Variants in ZCCHC14 observed in about 807,000 individuals in gnomAD.
ZCCHC14 encodes zinc finger CCHC domain-containing protein 14.
ZCCHC14 carries 16 observed loss-of-function variants against 85.0 expected under a neutral mutation model. That is an observed-to-expected ratio of 0.19 (90% confidence interval 0.13 to 0.29). ZCCHC14 has a LOEUF of 0.29. Among genes scored for constraint, ZCCHC14 ranks in the 10% least tolerant of loss-of-function variants. ZCCHC14 has a pLI of 1.00. For synonymous variants in ZCCHC14, 775 were observed against 630.7 expected (o/e 1.23, Z -3.43); for missense variants, 1,303 against 1,443.5 (o/e 0.90, Z 1.58).
chr16:87,463,506 G>A (rs1353113169), intron 1 of ZCCHC14, among the ~76,000 whole-genome samples: 1 of 152,196 alleles, frequency 6.6e-6, no homozygotes, highest in African/African-American at 2.4e-5. Context: ...AAAGTGAGCT[G>A]CCTTTTCTCT....
Position 87,414,486 on chromosome 16 carries a change from T to G in ZCCHC14, c.1531A>C (p.Ser511Arg). 6.2e-7 allele frequency: 1 copy of G among 1,613,436 alleles called. No individual in the cohort carries two copies. Among genetic ancestry groups the G allele is most frequent in the East Asian group, 2.2e-5 (1 of 44,878 alleles). ...NPSAPPLVTS[S>R]GVARVPPTSH... ...GTGGGGGGCACTCGAGCCACACCAC[T>G]GCTGGTGACCAGCGGCGGGGCCGAG... Residue 511 changes from serine to arginine, a missense_variant, in exon 10 of 13, where the codon AGT (serine) becomes CGT (arginine). Physicochemically the swap from Ser to Arg is moderately radical, Grantham distance 110. Coordinates refer to ENST00000671377, the MANE Select transcript of ZCCHC14 (RefSeq NM_015144.3).
intron 2 of ZCCHC14, among the ~76,000 whole-genome samples, chr16:87,446,054 C>G (rs1910419507): frequency 6.6e-6 from 1 of 151,290 alleles, no homozygotes; most frequent in South Asian, 2.1e-4. Flanking sequence ...GTAGTCCCAG[C>G]TATTTGGGAG....
At chr16:87,419,300 G>C (rs561671504) in intron 6 of ZCCHC14, among the ~76,000 whole-genome samples, 1 of 122,956 alleles carries the variant, frequency 8.1e-6, no homozygotes, top group Non-Finnish European at 1.7e-5. Context: ...GGCTAATTTT[G>C]TATTTTTATT....
Position 87,491,940 on chromosome 16 carries a change from T to A in ZCCHC14, c.299A>T (p.Glu100Val). Residue 100 changes from glutamate to valine, a missense_variant, in exon 1 of 13, where the codon GAG (glutamate) becomes GTG (valine). Glu to Val is a moderately radical substitution (Grantham distance 121). Transcript: ENST00000671377. This position sits in a 1 kb window ranked among gnomAD's most constrained non-coding sequence, Gnocchi z 5.9. ...SLALLGSEQR[E>V]AAGVLYRTLT... The stretch of plus-strand genomic sequence containing the variant: ...CGTGCGGTAGAGCACGCCCGCCGCC[T>A]CGCGCTGCTCCGAGCCCAGCAGCGC... 2 of 1,458,670 alleles carry A rather than the reference T, an allele frequency of 1.4e-6. No homozygotes were observed. The highest frequency in any genetic ancestry group is 1.8e-6 in the Non-Finnish European group (2 of 1,110,068). The allele number at this position is 1,458,670 out of a possible 1,614,324, so 90.4% of individuals were successfully genotyped here.
In ZCCHC14 at chr16:87,420,927, G is replaced by C. The variant is rs1028870799; in HGVS notation, c.841-211C>G. Among the ~76,000 whole-genome samples, 2 of 152,232 alleles carry C rather than the reference G, an allele frequency of 1.3e-5. No homozygotes were observed. The highest frequency in any genetic ancestry group is 4.8e-5 in the African/African-American group (2 of 41,458). Reference sequence around the variant, plus strand: ...AACATCGCTCTCACAGTTACATCCGGAAAAGCTTGACAATCTGCACAATCA... The same window carrying C: ...AACATCGCTCTCACAGTTACATCCGCAAAAGCTTGACAATCTGCACAATCA... On this transcript the variant is annotated intron_variant, in intron 4 of 12. Transcript: ENST00000671377. The surrounding 1 kb of genome is among the most constrained non-coding windows in gnomAD (Gnocchi z 5.0).
intron 2 of ZCCHC14, among the ~76,000 whole-genome samples, chr16:87,449,614 G>C (rs1197766452): frequency 1.3e-5 from 2 of 152,158 alleles, no homozygotes; most frequent in African/African-American, 4.8e-5. Context: ...TCTTTAATTT[G>C]CTTTCAAGGT....
chr16:87,491,609 G>A lies in ZCCHC14; in HGVS notation c.570+60C>T. ...GGTCGCGGTGCAGGCTGGAGGCTTG[G>A]AGTGCAGAGTTGGGGATGCAGACTT... On this transcript the variant is annotated intron_variant, in intron 1 of 12. Transcript: ENST00000671377. The surrounding 1 kb of genome is among the most constrained non-coding windows in gnomAD (Gnocchi z 5.9). 3 of 1,334,468 alleles carry A rather than the reference G, an allele frequency of 2.2e-6. No homozygotes were observed. The highest frequency in any genetic ancestry group is 2.9e-6 in the Non-Finnish European group (3 of 1,041,900). 82.7% of individuals were successfully genotyped at this position (1,334,468 alleles called of 1,614,324 possible).
At chr16:87,463,944 T>C (rs1200775635) in intron 1 of ZCCHC14, among the ~76,000 whole-genome samples, 1 of 152,120 alleles carries the variant, frequency 6.6e-6, no homozygotes, top group Admixed American at 6.5e-5. Flanking sequence ...CTGAGCCTCC[T>C]GAGTAACTGG....
chr16:87,456,386 C>T (rs989346295), intron 2 of ZCCHC14, among the ~76,000 whole-genome samples: 3 of 151,712 alleles, frequency 2.0e-5, no homozygotes, highest in Non-Finnish European at 2.9e-5. Flanking sequence ...AAAAAATAGC[C>T]GGGCGTGGTG....
At chr16:87,443,230 C>T (rs1910271903) in intron 2 of ZCCHC14, among the ~76,000 whole-genome samples, 1 of 152,184 alleles carries the variant, frequency 6.6e-6, no homozygotes, top group South Asian at 2.1e-4. Context: ...GGATGGTGGT[C>T]GGGTTTCCAC....
intron 2 of ZCCHC14, among the ~76,000 whole-genome samples, chr16:87,448,979 C>T (rs573059331): frequency 1.3e-5 from 2 of 152,346 alleles, no homozygotes; most frequent in South Asian, 2.1e-4. Context: ...GACCGTGTGC[C>T]GGCCCAAGCT....
intron 1 of ZCCHC14, among the ~76,000 whole-genome samples, chr16:87,461,637 G>A (rs1457551339): frequency 6.6e-6 from 1 of 152,176 alleles, no homozygotes; most frequent in African/African-American, 2.4e-5. Context: ...CCCAGCACTC[G>A]CTCTGCAGAG....
chr16:87,438,670 TC>T (rs1910045827), intron 2 of ZCCHC14, among the ~76,000 whole-genome samples: 1 of 152,146 alleles, frequency 6.6e-6, no homozygotes, highest in Admixed American at 6.5e-5. Context: ...AGATATAAAA[TC>T]CCCAAGAAAT....
intron 1 of ZCCHC14, among the ~76,000 whole-genome samples, chr16:87,462,141 T>C (rs912912026): frequency 2.0e-5 from 3 of 148,648 alleles, no homozygotes; most frequent in Admixed American, 1.3e-4. Flanking sequence ...AAAAAAGTCC[T>C]AGCCATGCAG....
At chr16:87,431,760 C>T (rs1909675598) in intron 3 of ZCCHC14, among the ~76,000 whole-genome samples, 1 of 152,148 alleles carries the variant, frequency 6.6e-6, no homozygotes, top group South Asian at 2.1e-4. Context: ...AGGTGTCACA[C>T]GCGACCACTG....
intron 3 of ZCCHC14, among the ~76,000 whole-genome samples, chr16:87,429,847 T>G (rs1195673941): frequency 6.6e-6 from 1 of 152,246 alleles, no homozygotes; most frequent in Non-Finnish European, 1.5e-5. Context: ...CCTCAGGTGA[T>G]CCGTCCGCCT....
rs1567504942 is a variant in ZCCHC14, at chr16:87,408,689, G to GT, written c.*1590dup. The stretch of plus-strand genomic sequence containing the variant: ...ACTAAAAGCCTGTCATAAAAAAAAT[G>GT]TAACAACTTTCTGCTTTAGTTTCTA... On this transcript the variant is annotated 3_prime_UTR_variant, in exon 13 of 13. Transcript: ENST00000671377. 1 of 152,416 alleles carries GT rather than the reference G, an allele frequency of 6.6e-6. No individual in the cohort carries two copies. Among genetic ancestry groups the GT allele is most frequent in the Non-Finnish European group, 1.5e-5 (1 of 68,016 alleles). 9.4% of individuals were successfully genotyped at this position (152,416 alleles called of 1,614,324 possible). A position where few individuals can be genotyped will look rare whatever the true frequency, so the allele number is the denominator to read the frequency against.
intron 3 of ZCCHC14, 148 bp from the exon 4 acceptor site, chr16:87,424,029 C>T (rs1012013026): frequency 4.2e-6 from 3 of 721,402 alleles, no homozygotes; most frequent in Non-Finnish European, 6.8e-6. Flanking sequence ...CTAAGCATCC[C>T]TTGACTTGTT....
rs569762577 is a variant in ZCCHC14 at position 87,474,538 on chromosome 16, G to A, written c.571-14407C>T. On this transcript the variant is annotated intron_variant, in intron 1 of 12. Transcript: ENST00000671377. ...CTCTTGCAGATAACTATAAACTCTG[G>A]ACAAAGCATAAAAAAACAAACTGAA... Among the ~76,000 whole-genome samples, 78 of 152,054 alleles carry A rather than the reference G, an allele frequency of 5.1e-4. 1 individual carries two copies. The highest frequency in any genetic ancestry group is 2.6e-4 in the Non-Finnish European group (18 of 68,018).
Sources: gnomAD v4.1 joint callset for allele counts (sites outside exome capture counted in the v4.1 genomes callset) on GRCh38, gnomAD v4.1.1 for gene constraint, Gnocchi (gnomAD v3.1) non-coding constraint, MANE v1.5 for transcripts, NCBI Gene and HGNC (gene_info 2026-07-23, HGNC 2026-07-21) for gene names.